The following KAZN variants were observed in gnomAD, a reference collection of about 807,000 sequenced individuals.
KAZN encodes the protein kazrin.
In KAZN, 40 loss-of-function variants were observed where a neutral mutation model predicts 87.4. The ratio of observed to expected loss-of-function variants is 0.46; its 90% CI spans 0.36 to 0.60. The LOEUF is 0.60. Among genes scored for constraint, KAZN ranks in the 20% least tolerant of loss-of-function variants. KAZN has a pLI of 0.00. For synonymous variants in KAZN, 466 were observed against 458.3 expected (o/e 1.02, Z -0.22); for missense variants, 898 against 1,073.9 (o/e 0.84, Z 2.29).
intron 2 of KAZN, among the ~76,000 whole-genome samples, chr1:14,185,261 A>C (rs1489655068): frequency 1.3e-5 from 2 of 152,202 alleles, no homozygotes; most frequent in African/African-American, 4.8e-5. Context: ...AGAAACTCTG[A>C]CATTAGAACC....
chr1:14,709,702 G>A (rs1026856877), intron 1 of KAZN, among the ~76,000 whole-genome samples: 1 of 152,162 alleles, frequency 6.6e-6, no homozygotes, highest in African/African-American at 2.4e-5. Context: ...AAGAGTGGGC[G>A]TAGTTGAGGG....
At chr1:15,068,036 G>A in intron 8 of KAZN, 4 of 737,938 alleles carry the variant, frequency 5.4e-6, no homozygotes, top group Non-Finnish European at 6.6e-6. Flanking sequence ...AATAGCGAAT[G>A]AGTTATGGGT....
chr1:14,948,295 A>G (rs1662071245), intron 1 of KAZN, among the ~76,000 whole-genome samples: 1 of 152,202 alleles, frequency 6.6e-6, no homozygotes, highest in South Asian at 2.1e-4. Flanking sequence ...CCAGGACTCA[A>G]CTATTCGGAT....
At chr1:13,970,274 G>A (rs893083387) in intron 1 of KAZN, among the ~76,000 whole-genome samples, 9 of 152,202 alleles carry the variant, frequency 5.9e-5, no homozygotes, top group African/African-American at 1.7e-4. Flanking sequence ...TTAGCAAAAA[G>A]TGCTGACAAG....
intron 13 of KAZN, among the ~76,000 whole-genome samples, chr1:15,109,153 G>A (rs1216862138): frequency 1.3e-5 from 2 of 152,200 alleles, no homozygotes; most frequent in Admixed American, 1.3e-4. Flanking sequence ...GGGAGGTCGA[G>A]GCCGGTAGAT....
At chr1:14,502,139 G>A (rs1451776858) in intron 2 of KAZN, among the ~76,000 whole-genome samples, 1 of 148,254 alleles carries the variant, frequency 6.7e-6, no homozygotes, top group Non-Finnish European at 1.5e-5. Flanking sequence ...TAATAAAGCT[G>A]TTTTTTTTTT....
chr1:15,010,539 C>T (rs1415637551), intron 2 of KAZN, among the ~76,000 whole-genome samples: 5 of 152,068 alleles, frequency 3.3e-5, no homozygotes, highest in South Asian at 2.1e-4. Flanking sequence ...TACAGGCGCC[C>T]GCCACCATGC....
intron 1 of KAZN, among the ~76,000 whole-genome samples, chr1:14,601,750 A>G (rs1677001521): frequency 6.6e-6 from 1 of 152,188 alleles, no homozygotes; most frequent in South Asian, 2.1e-4. Flanking sequence ...GGTGCAGTTC[A>G]ATGGGCCCAG....
In KAZN at chr1:14,417,011, T is replaced by TGTGTATGTATATATATGTAC. The variant is rs144606714; in HGVS notation, c.250-181972_250-181971insGTGTATGTATATATATGTAC. On this transcript the variant is annotated intron_variant, in intron 2 of 16. Transcript: ENST00000636203. Reference sequence around the variant, plus strand: ...ATATATGTGTGTATGTATATATATGTACACACACACACACACACACACACA... The same window carrying TGTGTATGTATATATATGTAC: ...ATATATGTGTGTATGTATATATATGTGTGTATGTATATATATGTACACACACACACACACACACACACACA... Among the ~76,000 whole-genome samples the TGTGTATGTATATATATGTAC allele has an allele frequency of 3.5e-3, 504 of 145,590 alleles. 4 individuals carry two copies. The highest frequency in any genetic ancestry group is 0.012 in the African/African-American group (462 of 39,342).
intron 2 of KAZN, among the ~76,000 whole-genome samples, chr1:14,396,213 A>C (rs541334808): frequency 6.6e-6 from 1 of 152,158 alleles, no homozygotes; most frequent in South Asian, 2.1e-4. Context: ...AACAAGAAAA[A>C]ACTTAGGTCT....
intron 2 of KAZN, among the ~76,000 whole-genome samples, chr1:14,460,152 C>A (rs1333651002): frequency 6.6e-6 from 1 of 152,222 alleles, no homozygotes; most frequent in Non-Finnish European, 1.5e-5. Context: ...ATTGGTGTAG[C>A]ATCACCATTC....
At chr1:14,581,410 C>T (rs1028674218) in intron 2 of KAZN, among the ~76,000 whole-genome samples, 4 of 152,176 alleles carry the variant, frequency 2.6e-5, no homozygotes, top group Non-Finnish European at 5.9e-5. Flanking sequence ...CCTTTCCATA[C>T]TCTACCTCTC....
At chr1:14,302,762 T>C (rs979028435) in intron 2 of KAZN, among the ~76,000 whole-genome samples, 1 of 152,208 alleles carries the variant, frequency 6.6e-6, no homozygotes, top group Non-Finnish European at 1.5e-5. Flanking sequence ...GGGAAGGTCA[T>C]ATAGGTCATA....
chr1:14,979,051 C>T (rs1201255277), intron 2 of KAZN, among the ~76,000 whole-genome samples: 3 of 151,754 alleles, frequency 2.0e-5, no homozygotes, highest in African/African-American at 7.3e-5. Flanking sequence ...ATTACAGGCG[C>T]CTGCCACCAT....
intron 2 of KAZN, among the ~76,000 whole-genome samples, chr1:14,388,651 G>C (rs1402995870): frequency 6.6e-6 from 1 of 152,124 alleles, no homozygotes; most frequent in East Asian, 1.9e-4. Flanking sequence ...TCCATATGCA[G>C]AAGAATGAAA....
intron 1 of KAZN, among the ~76,000 whole-genome samples, chr1:14,051,330 G>A (rs920964148): frequency 6.6e-6 from 1 of 152,080 alleles, no homozygotes; most frequent in African/African-American, 2.4e-5. Flanking sequence ...AGGGCCCTAG[G>A]ACAGGGCCCC....
rs924717233 is a variant in KAZN, at chr1:14,909,759, A to C, written c.227-50925A>C. Among the ~76,000 whole-genome samples, 14 of 152,208 alleles carry C rather than the reference A, an allele frequency of 9.2e-5. 1 individual carries two copies. On this transcript the variant is annotated intron_variant, in intron 1 of 14. Transcript: ENST00000376030. Reference sequence around the variant, plus strand: ...ATGCAGTTGGTGCTTTCATAAATGCATGATGGCCAGGCTTGGTGCTTATGC... The same window carrying C: ...ATGCAGTTGGTGCTTTCATAAATGCCTGATGGCCAGGCTTGGTGCTTATGC...
chr1:14,517,687 C>T (rs541482779), intron 2 of KAZN, among the ~76,000 whole-genome samples: 44 of 152,330 alleles, frequency 2.9e-4, no homozygotes, highest in Admixed American at 1.8e-3. Flanking sequence ...ATTTGTTTAT[C>T]TTCCAGCTCA....
intron 1 of KAZN, among the ~76,000 whole-genome samples, chr1:13,917,113 C>A (rs1041396186): frequency 1.3e-5 from 2 of 152,064 alleles, no homozygotes; most frequent in Non-Finnish European, 2.9e-5. Context: ...CATGCATGCA[C>A]GCCCATGTGT....
Sources: allele counts gnomAD v4.1 joint callset (sites outside exome capture counted in the v4.1 genomes callset), GRCh38; gene constraint gnomAD v4.1.1; transcripts MANE v1.5; gene names NCBI Gene and HGNC (gene_info 2026-07-23, HGNC 2026-07-21).